PAGE2B: variants seen among roughly 807,000 people sequenced by gnomAD.
The protein encoded by PAGE2B is putative G antigen family E member 3.
A neutral mutation model predicts 7.6 loss-of-function variants in PAGE2B; 5 were observed. The ratio of observed to expected loss-of-function variants is 0.66; its 90% CI spans 0.34 to 1.38. The LOEUF (loss-of-function observed/expected upper bound fraction) is 1.38. Ranked by LOEUF, PAGE2B falls within the 40% of genes most tolerant of loss-of-function variation. The probability of loss-of-function intolerance (pLI) is 0.04; values close to 1 mark genes in which losing one functional copy is unlikely to be tolerated. For synonymous variants in PAGE2B, 29 were observed against 26.7 expected (o/e 1.09, Z -0.27); for missense variants, 70 against 78.4 (o/e 0.89, Z 0.41).
chrX:55,075,853 G>C (rs1936505009), intron 1 of PAGE2B, among the ~76,000 whole-genome samples, 181 bp from the exon 2 acceptor site: 1 of 111,526 alleles, frequency 9.0e-6, no homozygotes, highest in Non-Finnish European at 1.9e-5. Flanking sequence ...CTTCGACTAT[G>C]ATACAAACAA....
chrX:55,031,735 G>A, the PAGE2B span, among the ~76,000 whole-genome samples: 1 of 111,003 alleles, frequency 9.0e-6, no homozygotes, highest in Non-Finnish European at 1.9e-5. Flanking sequence ...AATTAAAAAT[G>A]TGAAGTTCTC....
At chrX:55,047,131 G>A in the PAGE2B span, among the ~76,000 whole-genome samples, 19 of 107,431 alleles carry the variant, frequency 1.8e-4, no homozygotes, top group African/African-American at 5.8e-4. Context: ...TCCTGTGTCC[G>A]TGTGTTCTCA....
rs761456184 is a variant in PAGE2B, at chrX:55,077,920, A to G, written c.319+396A>G. ...TTGATGTAGCCATTTTACAATGTGT[A>G]TATATATATATTTAAAACGTCATGT... On this transcript the variant is annotated intron_variant, in intron 4 of 4. Coordinates refer to ENST00000374971, the MANE Select transcript of PAGE2B (RefSeq NM_001015038.3). Among the ~76,000 whole-genome samples the G allele has an allele frequency of 2.6e-3, 269 of 103,632 alleles. 4 individuals are homozygous for G. Among genetic ancestry groups the G allele is most frequent in the African/African-American group, 9.1e-3 (252 of 27,550 alleles). The allele number at this position is 103,632 out of a possible 115,157, so 90.0% of individuals were successfully genotyped here. A position where few individuals can be genotyped will look rare whatever the true frequency, so the allele number is the denominator to read the frequency against.
At chrX:55,076,240 G>C in intron 2 of PAGE2B, 115 bp downstream of exon 2, 3 of 884,489 alleles carry the variant, frequency 3.4e-6, no homozygotes, top group Admixed American at 6.7e-5. Flanking sequence ...AATGATGATG[G>C]CATCTCATGA....
chrX:55,051,490 T>C, the PAGE2B span, among the ~76,000 whole-genome samples: 1 of 112,074 alleles, frequency 8.9e-6, no homozygotes, highest in Non-Finnish European at 1.9e-5. Context: ...CCATATTTCT[T>C]GGAGGCTTTG....
At chrX:55,042,686 A>G in the PAGE2B span, among the ~76,000 whole-genome samples, 24 of 101,816 alleles carry the variant, frequency 2.4e-4, no homozygotes, top group Non-Finnish European at 3.2e-4. Flanking sequence ...AAAAAAAAAA[A>G]AGAAATCATA....
At chrX:55,067,667 C>T in the PAGE2B span, among the ~76,000 whole-genome samples, 1 of 111,867 alleles carries the variant, frequency 8.9e-6, no homozygotes, top group East Asian at 2.8e-4. Flanking sequence ...TACATTCCCA[C>T]CAACAGTGTA....
intron 2 of PAGE2B, 121 bp downstream of exon 2, chrX:55,076,246 C>T: frequency 1.2e-6 from 1 of 848,786 alleles, no homozygotes; most frequent in Non-Finnish European, 1.6e-6. Context: ...GATGGCATCT[C>T]ATGAAGGAAA....
At chrX:55,042,653 CAAAAAAAAAAAAAAAAAAA>C in the PAGE2B span, among the ~76,000 whole-genome samples, 8 of 11,859 alleles carry the variant, frequency 6.7e-4, no homozygotes, top group Admixed American at 8.8e-3. Flanking sequence ...GACTCCGTCT[CAAAAAAAAAAAAAAAAAAA>C]AAAAAAAAAA....
At chrX:55,056,537 G>A in the PAGE2B span, among the ~76,000 whole-genome samples, 5 of 110,943 alleles carry the variant, frequency 4.5e-5, no homozygotes, top group Non-Finnish European at 5.7e-5. Context: ...ATGGGATAAG[G>A]GTCACAGAGT....
At chrX:55,068,284 A>G in the PAGE2B span, among the ~76,000 whole-genome samples, 2 of 112,262 alleles carry the variant, frequency 1.8e-5, no homozygotes, top group Non-Finnish European at 3.8e-5. Context: ...AACACCATTT[A>G]TTAAATAGGG....
the PAGE2B span, among the ~76,000 whole-genome samples, chrX:55,058,499 A>G: frequency 9.0e-6 from 1 of 111,727 alleles, no homozygotes; most frequent in African/African-American, 3.2e-5. Context: ...TTCACCTGCC[A>G]TTTTTTAAAT....
At chrX:55,045,830 A>C in the PAGE2B span, among the ~76,000 whole-genome samples, 2 of 111,923 alleles carry the variant, frequency 1.8e-5, no homozygotes, top group African/African-American at 3.2e-5. Context: ...AAACAGAAAA[A>C]CACTACATGT....
At chrX:55,066,463 G>A in the PAGE2B span, among the ~76,000 whole-genome samples, 1 of 112,043 alleles carries the variant, frequency 8.9e-6, no homozygotes, top group African/African-American at 3.2e-5. Flanking sequence ...ATTTCTTGTA[G>A]GACATGTCTG....
chrX:55,039,671 G>A, the PAGE2B span, among the ~76,000 whole-genome samples: 2 of 110,952 alleles, frequency 1.8e-5, no homozygotes, highest in African/African-American at 3.3e-5. Context: ...TATGGTGCCC[G>A]GAGCAGTGTG....
the PAGE2B span, among the ~76,000 whole-genome samples, chrX:55,051,098 A>C: frequency 9.0e-6 from 1 of 111,255 alleles, no homozygotes; most frequent in Admixed American, 9.6e-5. Flanking sequence ...GAAATTCTGG[A>C]TTGAAAATTC....
In PAGE2B at chrX:55,077,300, A is replaced by C. The variant is rs2270533; in HGVS notation, c.194-99A>C. Reference sequence around the variant, plus strand: ...CAGATTCCTGAAATAATTAGCCTACAGGTTTTTACTTCATAATGATGAGGG... The same window carrying C: ...CAGATTCCTGAAATAATTAGCCTACCGGTTTTTACTTCATAATGATGAGGG... On this transcript the variant is annotated intron_variant, in intron 3 of 4. Coordinates refer to ENST00000374971, the MANE Select transcript of PAGE2B (RefSeq NM_001015038.3). 8.9e-3 allele frequency: 10,163 copies of C among 1,144,517 alleles called. 301 individuals are homozygous for C. In the African/African-American group the frequency reaches 0.097, roughly 11 times the overall value. The allele number at this position is 1,144,517 out of a possible 1,213,427, so 94.3% of individuals were successfully genotyped here. A position where few individuals can be genotyped will look rare whatever the true frequency, so the allele number is the denominator to read the frequency against.
At chrX:55,038,267 A>T in the PAGE2B span, among the ~76,000 whole-genome samples, 1 of 111,161 alleles carries the variant, frequency 9.0e-6, no homozygotes, top group Non-Finnish European at 1.9e-5. Context: ...TTAATAAATG[A>T]TGCGTGATAT....
At chrX:55,030,846 A>G in the PAGE2B span, 1 of 225,000 alleles carries the variant, frequency 4.4e-6, no homozygotes. Flanking sequence ...CAAAGGAAAA[A>G]GTCAGATCTA....
Sources: allele counts gnomAD v4.1 joint callset (sites outside exome capture counted in the v4.1 genomes callset), GRCh38; gene constraint gnomAD v4.1.1; transcripts MANE v1.5; gene names NCBI Gene and HGNC (gene_info 2026-07-23, HGNC 2026-07-21).